The following BNC2 variants were observed in gnomAD, a reference collection of about 807,000 sequenced individuals.
The protein encoded by BNC2 is zinc finger protein basonuclin-2.
A neutral mutation model predicts 76.3 loss-of-function variants in BNC2; 20 were observed. The observed-to-expected ratio is 0.26, with a 90% CI of 0.18 to 0.38. BNC2 has a LOEUF of 0.38. Ranked by LOEUF, BNC2 falls within the 10% of genes least tolerant of loss-of-function variation. The pLI is 1.00. For missense variants in BNC2, 1,382 were observed against 1,399.8 expected (o/e 0.99, Z 0.20); for synonymous variants, 582 against 514.8 (o/e 1.13, Z -1.77).
intron 3 of BNC2, among the ~76,000 whole-genome samples, chr9:16,638,776 T>G (rs1821401629): frequency 6.6e-6 from 1 of 152,194 alleles, no homozygotes; most frequent in Admixed American, 6.5e-5. Context: ...TTTTAATGTT[T>G]CCTTCTCTCC....
chr9:16,837,583 C>A (rs1022608322), intron 1 of BNC2, among the ~76,000 whole-genome samples: 1 of 152,180 alleles, frequency 6.6e-6, no homozygotes, highest in Non-Finnish European at 1.5e-5. Flanking sequence ...CCATCTCCAG[C>A]CTCGAAGTCG....
At chr9:16,687,511 T>C (rs1359222235) in intron 3 of BNC2, among the ~76,000 whole-genome samples, 2 of 152,096 alleles carry the variant, frequency 1.3e-5, no homozygotes, top group Admixed American at 1.3e-4. Context: ...AGGCCACTAA[T>C]GAGTTCTGCA....
intron 5 of BNC2, among the ~76,000 whole-genome samples, chr9:16,516,821 T>C (rs933970773): frequency 1.3e-5 from 2 of 152,252 alleles, no homozygotes; most frequent in African/African-American, 2.4e-5. Context: ...GCATCTCTTA[T>C]GCTTATTCCA....
chr9:16,626,808 C>T (rs1393799215), intron 3 of BNC2, among the ~76,000 whole-genome samples: 1 of 152,146 alleles, frequency 6.6e-6, no homozygotes, highest in Non-Finnish European at 1.5e-5. Flanking sequence ...GTATGCAGTG[C>T]CATGAGTCAT....
At chr9:16,758,047 T>C (rs1386622728) in intron 1 of BNC2, among the ~76,000 whole-genome samples, 3 of 152,312 alleles carry the variant, frequency 2.0e-5, no homozygotes, top group South Asian at 2.1e-4. Flanking sequence ...AGTCAAGATA[T>C]CAGCAGGGCT....
At chr9:16,810,455 A>T (rs1327314415) in intron 1 of BNC2, among the ~76,000 whole-genome samples, 1 of 152,190 alleles carries the variant, frequency 6.6e-6, no homozygotes, top group African/African-American at 2.4e-5. Context: ...CTGTTTGTTT[A>T]CCTCATGTGA....
chr9:16,772,349 T>C (rs1384415497), intron 1 of BNC2, among the ~76,000 whole-genome samples: 2 of 152,194 alleles, frequency 1.3e-5, no homozygotes, highest in African/African-American at 4.8e-5. Context: ...TTTTTTTTAA[T>C]ATGCCATTGT....
At chr9:16,863,045 G>GC (rs1819451586) in intron 1 of BNC2, among the ~76,000 whole-genome samples, 1 of 151,838 alleles carries the variant, frequency 6.6e-6, no homozygotes, top group South Asian at 2.1e-4. Context: ...CTCCCGAGTA[G>GC]CTGGGATTAT....
chr9:16,597,147 A>G (rs549927162), intron 3 of BNC2, among the ~76,000 whole-genome samples: 12 of 152,284 alleles, frequency 7.9e-5, no homozygotes, highest in African/African-American at 2.9e-4. Flanking sequence ...TACACAAGGG[A>G]AAGAAAAATT....
At position 16,738,501 on chromosome 9, in the gene BNC2, G is replaced by T; in HGVS notation, c.4-16C>A. On this transcript the variant is annotated splice_polypyrimidine_tract_variant and intron_variant, in intron 1 of 6. Transcript: ENST00000380672. ...CAAGGTGTGCCTATTGAGAGATTGGGAAAGGAAATTACATATGCCCAGACA... is the reference window on the plus strand; with the variant it reads ...CAAGGTGTGCCTATTGAGAGATTGGTAAAGGAAATTACATATGCCCAGACA... 1 of 1,613,684 alleles carries T rather than the reference G, an allele frequency of 6.2e-7. No individual in the cohort carries two copies. Among genetic ancestry groups the T allele is most frequent in the Non-Finnish European group, 8.5e-7 (1 of 1,179,778 alleles).
rs1450841008 is a variant in BNC2 at position 16,418,394 on chromosome 9, A to C, written c.*595T>G. 2.6e-5 allele frequency: 4 copies of C among 152,804 alleles called. No individual in the cohort carries two copies. The highest frequency in any genetic ancestry group is 9.7e-5 in the African/African-American group (4 of 41,430). 9.5% of individuals were successfully genotyped at this position (152,804 alleles called of 1,614,324 possible). On this transcript the variant is annotated 3_prime_UTR_variant, in exon 7 of 7. Transcript: ENST00000380672. ...CTAACAGCTGGATGTAACTGTAAAA[A>C]TTAAACAAAAAAGTTAAACAACCAT...
At position 16,763,725 on chromosome 9, in the gene BNC2, C is replaced by T. The variant is rs1825616457; in HGVS notation, c.4-25240G>A. On this transcript the variant is annotated intron_variant, in intron 1 of 6. Coordinates refer to ENST00000380672, the MANE Select transcript of BNC2 (RefSeq NM_017637.6). ...TGGTGAGTGGCAGAAAACTACATAG[C>T]ATGTTACTTTCCAATGATAAAATCT... Among the ~76,000 whole-genome samples, 3 of 152,176 alleles carry T rather than the reference C, an allele frequency of 2.0e-5. No individual in the cohort carries two copies. The South Asian group carries it at 6.2e-4, about 31-fold the overall frequency.
chr9:16,792,677 G>C (rs10125996), intron 1 of BNC2, among the ~76,000 whole-genome samples: 15,721 of 152,200 alleles, frequency 0.1, 1,044 homozygotes, highest in Admixed American at 0.22. Context: ...AAGAAATAAA[G>C]TTTACTTTGC....
At chr9:16,496,059 C>A (rs772324519) in intron 5 of BNC2, among the ~76,000 whole-genome samples, 4 of 151,914 alleles carry the variant, frequency 2.6e-5, no homozygotes, top group Admixed American at 6.6e-5. Flanking sequence ...CAGGTGCCCA[C>A]CACCATGCCC....
chr9:16,453,353 C>T lies in BNC2; in HGVS notation c.670-15829G>A, dbSNP rs575971943. ...GAGCCCTCCACTGAGATGCTCTTCACAGAAGGCACTCCTGCCTGCTCACAC... is the reference window on the plus strand; with the variant it reads ...GAGCCCTCCACTGAGATGCTCTTCATAGAAGGCACTCCTGCCTGCTCACAC... On this transcript the variant is annotated intron_variant, in intron 5 of 6. Coordinates refer to ENST00000380672, the MANE Select transcript of BNC2 (RefSeq NM_017637.6). Among the ~76,000 whole-genome samples, 6 of 152,324 alleles carry T rather than the reference C, an allele frequency of 3.9e-5. No individual in the cohort carries two copies. The East Asian group carries it at 1.2e-3, about 29-fold the overall frequency.
intron 1 of BNC2, chr9:16,867,325 C>G (rs1157957279): frequency 2.0e-5 from 3 of 151,668 alleles, no homozygotes; most frequent in Non-Finnish European, 2.9e-5. Context: ...ATACACAATA[C>G]TAGTATAATG....
chr9:16,522,159 G>C (rs1371025456), intron 5 of BNC2, among the ~76,000 whole-genome samples: 2 of 152,328 alleles, frequency 1.3e-5, no homozygotes, highest in East Asian at 1.9e-4. Flanking sequence ...CCCTGAAAAG[G>C]GGGGCAGGAG....
At chr9:16,514,504 A>AG (rs61177185) in intron 5 of BNC2, among the ~76,000 whole-genome samples, 10 of 152,010 alleles carry the variant, frequency 6.6e-5, no homozygotes, top group African/African-American at 2.4e-4. Context: ...TTTTTTAAAA[A>AG]GGGGGGAAAA....
chr9:16,565,646 A>G (rs1292252827), intron 4 of BNC2, among the ~76,000 whole-genome samples: 2 of 152,004 alleles, frequency 1.3e-5, no homozygotes, highest in African/African-American at 4.8e-5. Flanking sequence ...TGTCTCTACA[A>G]AAAATACAAA....
Sources: gnomAD v4.1 joint callset for allele counts (sites outside exome capture counted in the v4.1 genomes callset) on GRCh38, gnomAD v4.1.1 for gene constraint, MANE v1.5 for transcripts, NCBI Gene and HGNC (gene_info 2026-07-23, HGNC 2026-07-21) for gene names.